Variants in ZFHX3 observed in about 807,000 individuals in gnomAD.
The protein encoded by ZFHX3 is zinc finger homeobox 3, also known as zinc finger homeobox protein 3.
A neutral mutation model predicts 279.1 loss-of-function variants in ZFHX3; 42 were observed. The observed-to-expected ratio is 0.15, with a 90% CI of 0.12 to 0.19. The LOEUF is 0.19. Ranked by LOEUF, ZFHX3 falls within the 10% of genes least tolerant of loss-of-function variation. The probability of loss-of-function intolerance (pLI) is 1.00; values close to 1 mark genes in which losing one functional copy is unlikely to be tolerated. For synonymous variants in ZFHX3, 2,293 were observed against 1,957.8 expected (o/e 1.17, Z -4.52); for missense variants, 4,981 against 4,754.0 (o/e 1.05, Z -1.40).
intron 2 of ZFHX3, among the ~76,000 whole-genome samples, chr16:73,596,462 C>A (rs76306140): frequency 6.6e-6 from 1 of 152,230 alleles, no homozygotes; most frequent in Non-Finnish European, 1.5e-5. Context: ...TCTTCCTGCA[C>A]CTCTAGCCTC....
At chr16:73,111,345 A>T (rs1033232052) in intron 7 of ZFHX3, among the ~76,000 whole-genome samples, 1 of 152,186 alleles carries the variant, frequency 6.6e-6, no homozygotes, top group Admixed American at 6.5e-5. Context: ...AAACACACTA[A>T]TGGGAGGTCT....
At chr16:73,208,612 G>C (rs73597320) in intron 5 of ZFHX3, among the ~76,000 whole-genome samples, 2,068 of 152,302 alleles carry the variant, frequency 0.014, 41 homozygotes, top group African/African-American at 0.046. Flanking sequence ...AGTCAAGATG[G>C]AAAGGCACAA....
chr16:73,369,854 C>CTG (rs2016592687), intron 3 of ZFHX3, among the ~76,000 whole-genome samples: 1 of 80,816 alleles, frequency 1.2e-5, no homozygotes, highest in Admixed American at 1.0e-4. Context: ...CTCTCTCTCT[C>CTG]TCTCTGTCTC....
At position 72,787,450 on chromosome 16, in the gene ZFHX3, GAA is replaced by G; in HGVS notation, c.10824_10825del (p.Ser3609ProfsTer56). The G allele has an allele frequency of 1.3e-6, 2 of 1,547,158 alleles. No individual in the cohort carries two copies. Among genetic ancestry groups the G allele is most frequent in the Non-Finnish European group, 1.8e-6 (2 of 1,141,324 alleles). ...CCAAGACTTCCTGGAGGCGTGGGGG[GAA>G]GCGGAGGAGGGGGCGGCGGCCGACG... On this transcript the variant is annotated frameshift_variant, in exon 10 of 10. Transcript: ENST00000268489. LOFTEE classifies it high-confidence loss of function.
At chr16:73,380,565 A>G (rs2143367009) in intron 3 of ZFHX3, among the ~76,000 whole-genome samples, 1 of 152,358 alleles carries the variant, frequency 6.6e-6, no homozygotes, top group East Asian at 1.9e-4. Flanking sequence ...ACAACTTAGT[A>G]AAGATAGTAA....
intron 3 of ZFHX3, among the ~76,000 whole-genome samples, chr16:73,414,468 C>T (rs2017531295): frequency 2.0e-5 from 3 of 152,244 alleles, no homozygotes; most frequent in Admixed American, 6.5e-5. Flanking sequence ...GCCACTCGTT[C>T]TCCTACCCTC....
intron 2 of ZFHX3, among the ~76,000 whole-genome samples, chr16:73,659,771 G>A (rs769374934): frequency 4.6e-5 from 7 of 152,144 alleles, no homozygotes; most frequent in Non-Finnish European, 5.9e-5. Flanking sequence ...GGCGTATATC[G>A]TGTACATGCC....
chr16:73,772,077 A>G (rs977503717), intron 1 of ZFHX3, among the ~76,000 whole-genome samples: 2 of 152,080 alleles, frequency 1.3e-5, no homozygotes, highest in African/African-American at 2.4e-5. Context: ...CTAACTTTCC[A>G]GATGTGGTTA....
chr16:73,130,922 T>C, intron 7 of ZFHX3: 1 of 1,288,300 alleles, frequency 7.8e-7, no homozygotes. Flanking sequence ...CAGTCTTATT[T>C]TAAAATGCAA....
chr16:73,173,462 T>A (rs577954555), intron 5 of ZFHX3, among the ~76,000 whole-genome samples: 1 of 142,426 alleles, frequency 7.0e-6, no homozygotes, highest in African/African-American at 2.6e-5. Context: ...ACCCAGGGAG[T>A]CTGCTTGTGC....
chr16:73,505,792 T>A (rs1331022765), intron 2 of ZFHX3, among the ~76,000 whole-genome samples: 10 of 152,192 alleles, frequency 6.6e-5, no homozygotes, highest in African/African-American at 1.9e-4. Flanking sequence ...CTGTCACTGT[T>A]CCCAGGAAAA....
At position 73,586,928 on chromosome 16, in the gene ZFHX3, TG is replaced by T. The variant is rs564640017; in HGVS notation, c.-1547+93251del. 7.5e-4 allele frequency among the ~76,000 whole-genome samples: 115 copies of T among 152,344 alleles called. 1 individual carries two copies. Among genetic ancestry groups the T allele is most frequent in the African/African-American group, 2.6e-3 (107 of 41,586 alleles). On this transcript the variant is annotated intron_variant, in intron 2 of 17. Transcript: ENST00000641206. ...CTATTCCTTAATTTTCTTTGTTAAT[TG>T]GGCTGTTTTTGCTATTATTTTTTCC...
intron 1 of ZFHX3, among the ~76,000 whole-genome samples, chr16:73,023,054 C>A (rs1426922769): frequency 6.6e-6 from 1 of 152,100 alleles, no homozygotes; most frequent in Non-Finnish European, 1.5e-5. Flanking sequence ...ATGGCAAAAC[C>A]CCATCTCTAC....
chr16:73,766,359 G>A (rs1236801809), intron 1 of ZFHX3, among the ~76,000 whole-genome samples: 2 of 151,934 alleles, frequency 1.3e-5, no homozygotes, highest in Non-Finnish European at 2.9e-5. Flanking sequence ...CAGGTATATC[G>A]CCAGGGTGAC....
chr16:73,038,323 C>A (rs1022359755), intron 1 of ZFHX3, among the ~76,000 whole-genome samples: 5 of 152,222 alleles, frequency 3.3e-5, no homozygotes, highest in African/African-American at 1.2e-4. Context: ...AGAGACCCTG[C>A]CCCTTCAGAA....
chr16:73,164,332 C>A (rs1343337093), intron 5 of ZFHX3, among the ~76,000 whole-genome samples: 2 of 152,158 alleles, frequency 1.3e-5, no homozygotes, highest in Non-Finnish European at 2.9e-5. Context: ...TGTCACTCAT[C>A]CTCTTGAAAG....
chr16:73,095,251 TG>T (rs1204849721), intron 7 of ZFHX3, among the ~76,000 whole-genome samples: 1 of 152,124 alleles, frequency 6.6e-6, no homozygotes, highest in African/African-American at 2.4e-5. Flanking sequence ...AATATTATAC[TG>T]GATGAAAAGA....
chr16:72,996,153 G>A (rs7500197), intron 1 of ZFHX3, among the ~76,000 whole-genome samples: 65,166 of 151,682 alleles, frequency 0.43, 15,979 homozygotes, highest in Non-Finnish European at 0.57. Context: ...GCATGGTGGC[G>A]GGCACCTGTA....
chr16:72,907,292 G>A (rs762519597), intron 3 of ZFHX3, among the ~76,000 whole-genome samples: 7 of 152,058 alleles, frequency 4.6e-5, no homozygotes, highest in Non-Finnish European at 5.9e-5. Context: ...TTTTATAATG[G>A]TCTTTCTTCC....
Sources: allele counts gnomAD v4.1 joint callset (sites outside exome capture counted in the v4.1 genomes callset), GRCh38; gene constraint gnomAD v4.1.1; transcripts MANE v1.5; gene names NCBI Gene and HGNC (gene_info 2026-07-23, HGNC 2026-07-21).